The following TDRD9 variants were observed in gnomAD, a reference collection of about 807,000 sequenced individuals.
TDRD9 encodes the protein tudor domain containing 9, also known as ATP-dependent RNA helicase TDRD9.
TDRD9 carries 124 observed loss-of-function variants against 172.6 expected under a neutral mutation model. The observed-to-expected ratio is 0.72, with a 90% CI of 0.62 to 0.83. The LOEUF (loss-of-function observed/expected upper bound fraction) is 0.83, where lower values mean the gene tolerates loss of function less well. Among genes scored for constraint, TDRD9 ranks in the 40% least tolerant of loss-of-function variants. The pLI, the probability that TDRD9 is intolerant of heterozygous loss-of-function variation, is 0.00. For synonymous variants in TDRD9, 619 were observed against 617.1 expected (o/e 1.00, Z -0.05); for missense variants, 1,479 against 1,714.1 (o/e 0.86, Z 2.42).
chr14:104,044,254 T>C (rs1032980184), intron 34 of TDRD9, among the ~76,000 whole-genome samples: 2 of 152,050 alleles, frequency 1.3e-5, no homozygotes, highest in Admixed American at 1.3e-4. Flanking sequence ...CAAGACAAGA[T>C]GCAGGGGTGC....
At chr14:103,950,317 C>T (rs1212300888) in intron 1 of TDRD9, among the ~76,000 whole-genome samples, 7 of 151,806 alleles carry the variant, frequency 4.6e-5, no homozygotes, top group African/African-American at 1.5e-4. Context: ...CTTGAACTCC[C>T]GACCTCAGGT....
intron 5 of TDRD9, among the ~76,000 whole-genome samples, chr14:103,967,200 T>G (rs371724287): frequency 1.1e-4 from 16 of 151,942 alleles, no homozygotes; most frequent in African/African-American, 3.6e-4. Flanking sequence ...GTAGGGTGTT[T>G]AATAGAGTCT....
intron 28 of TDRD9, among the ~76,000 whole-genome samples, chr14:104,030,640 G>A (rs2035253257): frequency 6.6e-6 from 1 of 152,174 alleles, no homozygotes; most frequent in Non-Finnish European, 1.5e-5. Context: ...TCTTTTGTTT[G>A]AATCTTAAAA....
intron 34 of TDRD9, among the ~76,000 whole-genome samples, chr14:104,045,504 A>G (rs928584073): frequency 6.9e-6 from 1 of 145,194 alleles, no homozygotes; most frequent in Non-Finnish European, 1.5e-5. Context: ...CACGTCTTTT[A>G]TTGGTTAAGT....
rs1216051578 is a variant in TDRD9, at chr14:104,040,085, G to A, written c.3717-111G>A. On this transcript the variant is annotated intron_variant, in intron 32 of 35. Coordinates refer to ENST00000409874, the MANE Select transcript of TDRD9 (RefSeq NM_153046.3). ...AAATGCACAAGTGAAATTAATTGCTGTACTAGGGCTGGCAGAATTTAGGAT... is the reference window on the plus strand; with the variant it reads ...AAATGCACAAGTGAAATTAATTGCTATACTAGGGCTGGCAGAATTTAGGAT... 6.0e-6 allele frequency: 6 copies of A among 1,003,038 alleles called. No homozygotes were observed. The African/African-American group carries it at 8.3e-5, about 14-fold the overall frequency. 62.1% of individuals were successfully genotyped at this position (1,003,038 alleles called of 1,614,324 possible).
Position 104,007,270 on chromosome 14 carries a change from G to A in TDRD9, c.2052+66G>A, listed in dbSNP as rs953240655. ...GTAATGAGAGAAGGACTCTGTCTTG[G>A]TACAGTCATAGCGTGTGAATCATGA... On this transcript the variant is annotated intron_variant, in intron 19 of 35. Transcript: ENST00000409874. 8 of 1,497,224 alleles carry A rather than the reference G, an allele frequency of 5.3e-6. No homozygotes were observed. The African/African-American group carries it at 9.7e-5, about 18-fold the overall frequency. 92.7% of individuals were successfully genotyped at this position (1,497,224 alleles called of 1,614,324 possible).
chr14:103,968,364 G>A (rs527382232), intron 5 of TDRD9, among the ~76,000 whole-genome samples: 4 of 152,112 alleles, frequency 2.6e-5, no homozygotes, highest in East Asian at 1.9e-4. Context: ...TGAAGTTTTA[G>A]GTTTACATAT....
chr14:104,005,450 T>C (rs774314461), intron 15 of TDRD9, 45 bp downstream of exon 15: 72 of 1,600,160 alleles, frequency 4.5e-5, no homozygotes, highest in Admixed American at 8.4e-5. Context: ...TGTAGAGCTG[T>C]GTTCTACTGT....
intron 1 of TDRD9, among the ~76,000 whole-genome samples, chr14:103,955,242 G>A (rs2032138493): frequency 6.6e-6 from 1 of 152,096 alleles, no homozygotes; most frequent in South Asian, 2.1e-4. Flanking sequence ...GTTTTAATTA[G>A]CTGATTTCAG....
intron 5 of TDRD9, among the ~76,000 whole-genome samples, chr14:103,968,713 G>T (rs1226409920): frequency 7.1e-6 from 1 of 139,986 alleles, no homozygotes; most frequent in African/African-American, 2.6e-5. Context: ...GGAGAATGGC[G>T]TGAACCCGGG....
chr14:104,026,084 A>T lies in TDRD9; in HGVS notation c.2969A>T (p.Asp990Val). 6.2e-7 allele frequency: 1 copy of T among 1,611,924 alleles called. No individual in the cohort carries two copies. Among genetic ancestry groups the T allele is most frequent in the Non-Finnish European group, 8.5e-7 (1 of 1,178,026 alleles). ...GATTATGGCAATAAGTCTCATGTAG[A>T]TCTACATCTTTTGATGGAGATTCCC... ...FVDYGNKSHV[D>V]LHLLMEIPCQ... The change falls in exon 27 of 36, where the codon GAT becomes GTT. Residue 990 changes from aspartate (D) to valine (V), a missense_variant. Physicochemically the swap from Asp to Val is radical, Grantham distance 152 (BLOSUM62 -3). Transcript: ENST00000409874.
chr14:103,944,605 G>A (rs111354075), intron 1 of TDRD9, among the ~76,000 whole-genome samples: 14 of 125,928 alleles, frequency 1.1e-4, no homozygotes, highest in East Asian at 2.3e-4. Context: ...TTGCTCTGTC[G>A]CCCAGGCTGG....
intron 1 of TDRD9, among the ~76,000 whole-genome samples, chr14:103,935,585 C>T (rs369612729): frequency 1.3e-5 from 2 of 152,170 alleles, no homozygotes; most frequent in African/African-American, 4.8e-5. Flanking sequence ...GGAAGTCTGG[C>T]AGAGCTAGAC....
chr14:103,976,781 A>G (rs1450564338), intron 7 of TDRD9, among the ~76,000 whole-genome samples: 2 of 152,128 alleles, frequency 1.3e-5, no homozygotes, highest in East Asian at 1.9e-4. Flanking sequence ...ATACTAATTG[A>G]CATTCCTACC....
chr14:104,048,409 T>C (rs2035843315), intron 34 of TDRD9, among the ~76,000 whole-genome samples: 2 of 152,270 alleles, frequency 1.3e-5, no homozygotes, highest in South Asian at 4.2e-4. Flanking sequence ...CAGCTCGTTT[T>C]GTTTTCTTTA....
intron 24 of TDRD9, 32 bp downstream of exon 24, chr14:104,022,362 G>A (rs753458816): frequency 8.8e-6 from 14 of 1,596,214 alleles, no homozygotes; most frequent in Admixed American, 8.7e-5. Flanking sequence ...CAGACAGGCC[G>A]TGCCTGCTTT....
At position 104,026,750 on chromosome 14, in the gene TDRD9, C is replaced by G. The variant is rs748316028; in HGVS notation, c.3093C>G (p.Asp1031Glu). The stretch of plus-strand genomic sequence containing the variant: ...TTGTTTGTGGCAAGCACTGGAGTGA[C>G]GGGGCCAGCCAGTGGTTCGCCTCTC... ...KSLVCGKHWS[D>E]GASQWFASLV... The change falls in exon 28 of 36, where the codon GAC (aspartate) becomes GAG (glutamate). Residue 1031 changes from aspartate (D) to glutamate (E), a missense_variant. By Grantham distance (45) the Asp-to-Glu change is conservative. Coordinates refer to ENST00000409874, the MANE Select transcript of TDRD9 (RefSeq NM_153046.3). 70 of 1,613,808 alleles carry G rather than the reference C, an allele frequency of 4.3e-5. No individual in the cohort carries two copies. Among genetic ancestry groups the G allele is most frequent in the Non-Finnish European group, 5.8e-5 (68 of 1,179,874 alleles).
At chr14:104,014,210 G>A (rs2034706695) in intron 20 of TDRD9, among the ~76,000 whole-genome samples, 1 of 136,096 alleles carries the variant, frequency 7.3e-6, no homozygotes, top group Non-Finnish European at 1.5e-5. Context: ...CTCCAGCCTG[G>A]ACAACAGAGC....
intron 23 of TDRD9, among the ~76,000 whole-genome samples, chr14:104,020,437 T>G (rs2034919343): frequency 6.6e-6 from 1 of 152,166 alleles, no homozygotes; most frequent in Non-Finnish European, 1.5e-5. Flanking sequence ...CATCCGGCTT[T>G]CCAGCCTGGA....
Sources: gnomAD v4.1 joint callset for allele counts (sites outside exome capture counted in the v4.1 genomes callset) on GRCh38, gnomAD v4.1.1 for gene constraint, MANE v1.5 for transcripts, NCBI Gene and HGNC (gene_info 2026-07-23, HGNC 2026-07-21) for gene names.